The following PRR16 variants were observed in gnomAD, a reference collection of about 807,000 sequenced individuals.
PRR16 encodes the protein proline rich 16, also known as protein Largen.
A neutral mutation model predicts 18.2 loss-of-function variants in PRR16; 6 were observed. That is an observed-to-expected ratio of 0.33 (90% CI 0.18 to 0.65). PRR16 has a LOEUF of 0.65. PRR16 is among the 30% of genes least tolerant of loss of function. The pLI is 0.74. For missense variants in PRR16, 412 were observed against 376.6 expected, an observed-to-expected ratio of 1.09 and a Z score of -0.78; for synonymous variants, 151 against 147.8, an observed-to-expected ratio of 1.02 and a Z score of -0.16.
At chr5:120,581,659 G>A (rs1753277073) in intron 1 of PRR16, among the ~76,000 whole-genome samples, 2 of 152,068 alleles carry the variant, frequency 1.3e-5, no homozygotes, top group Admixed American at 1.3e-4. Flanking sequence ...GGCATTTAGT[G>A]CTATAAATTT....
At chr5:120,692,521 A>G in the PRR16 span, among the ~76,000 whole-genome samples, 9 of 152,142 alleles carry the variant, frequency 5.9e-5, no homozygotes, top group Non-Finnish European at 1.2e-4. Context: ...ACGCCCTTGC[A>G]TGTGTCATTG....
the PRR16 span, among the ~76,000 whole-genome samples, chr5:120,728,053 T>C: frequency 1.3e-5 from 2 of 152,036 alleles, no homozygotes; most frequent in South Asian, 4.1e-4. Flanking sequence ...TAATATCACA[T>C]GAAAAAATTA....
At chr5:120,601,673 T>C (rs1753986718) in intron 1 of PRR16, among the ~76,000 whole-genome samples, 1 of 152,122 alleles carries the variant, frequency 6.6e-6, no homozygotes, top group Non-Finnish European at 1.5e-5. Context: ...TCCTAGGTTT[T>C]CTTCTAGAAT....
chr5:120,733,495 A>G, the PRR16 span, among the ~76,000 whole-genome samples: 1 of 151,844 alleles, frequency 6.6e-6, no homozygotes, highest in Non-Finnish European at 1.5e-5. Flanking sequence ...TTGGTTTTTG[A>G]CCCCATTTCC....
chr5:120,515,844 T>C (rs533253105), intron 1 of PRR16, among the ~76,000 whole-genome samples: 3 of 152,328 alleles, frequency 2.0e-5, no homozygotes, highest in East Asian at 1.9e-4. Flanking sequence ...TTATGTATTA[T>C]GAGAATTTTA....
chr5:120,701,791 G>C, the PRR16 span, among the ~76,000 whole-genome samples: 1 of 152,110 alleles, frequency 6.6e-6, no homozygotes, highest in African/African-American at 2.4e-5. Flanking sequence ...ACAGAGACTA[G>C]GAAGGGACTG....
intron 1 of PRR16, among the ~76,000 whole-genome samples, chr5:120,573,390 C>G (rs1277334922): frequency 6.6e-6 from 1 of 152,046 alleles, no homozygotes; most frequent in African/African-American, 2.4e-5. Context: ...AACTTAAAAG[C>G]CTTTGGACTT....
At chr5:120,717,924 A>G in the PRR16 span, among the ~76,000 whole-genome samples, 4 of 152,308 alleles carry the variant, frequency 2.6e-5, no homozygotes, top group Admixed American at 1.3e-4. Context: ...TGAGCCTTGC[A>G]TTCAGTACTA....
downstream of PRR16, among the ~76,000 whole-genome samples, chr5:120,692,165 T>G (rs1035177902): frequency 1.3e-5 from 2 of 152,204 alleles, no homozygotes; most frequent in African/African-American, 2.4e-5. Flanking sequence ...CATCATCGTT[T>G]TCTGGAATTT....
chr5:120,790,152 C>T, the PRR16 span: 1 of 152,136 alleles, frequency 6.6e-6, no homozygotes, highest in African/African-American at 2.4e-5. Flanking sequence ...CTTCCTCTAT[C>T]TGACAGCCAT....
chr5:120,540,545 G>C (rs1044883107), intron 1 of PRR16, among the ~76,000 whole-genome samples: 1 of 152,080 alleles, frequency 6.6e-6, no homozygotes, highest in Non-Finnish European at 1.5e-5. Flanking sequence ...TTGAAAATAT[G>C]ATGTCCCTTC....
intron 1 of PRR16, among the ~76,000 whole-genome samples, chr5:120,581,012 G>A (rs1405189564): frequency 6.6e-6 from 1 of 152,128 alleles, no homozygotes; most frequent in Non-Finnish European, 1.5e-5. Flanking sequence ...CCCAGTTTTA[G>A]TATCAGGGTG....
At chr5:120,754,250 TAATATAAAAATATAAATATAAA>T in the PRR16 span, among the ~76,000 whole-genome samples, 1 of 106,078 alleles carries the variant, frequency 9.4e-6, no homozygotes, top group Non-Finnish European at 1.7e-5. Context: ...TTAGATATTA[TAATATAAAAATATAAATATAAA>T]ATAATATATA....
At chr5:120,535,225 G>A in intron 1 of PRR16, among the ~76,000 whole-genome samples, 1 of 151,992 alleles carries the variant, frequency 6.6e-6, no homozygotes, top group Non-Finnish European at 1.5e-5. Context: ...AGAGTAATAT[G>A]TTTTGTAAGA....
chr5:120,483,446 A>AACATACAT (rs34353882), intron 1 of PRR16, among the ~76,000 whole-genome samples: 25 of 151,018 alleles, frequency 1.7e-4, no homozygotes, highest in Admixed American at 8.6e-4. Context: ...AGATAGGTTC[A>AACATACAT]ACATACATAC....
At chr5:120,788,441 G>A in the PRR16 span, among the ~76,000 whole-genome samples, 7 of 151,902 alleles carry the variant, frequency 4.6e-5, no homozygotes, top group East Asian at 1.9e-4. Flanking sequence ...GTGGAAAGTC[G>A]GCTTTGTGTG....
At chr5:120,586,079 A>G (rs1260234703) in intron 1 of PRR16, among the ~76,000 whole-genome samples, 1 of 151,980 alleles carries the variant, frequency 6.6e-6, no homozygotes, top group Admixed American at 6.6e-5. Context: ...AGACTGAGAC[A>G]GGAGAATCAT....
chr5:120,749,405 ATTG>A, the PRR16 span, among the ~76,000 whole-genome samples: 2 of 152,110 alleles, frequency 1.3e-5, no homozygotes, highest in Non-Finnish European at 1.5e-5. Flanking sequence ...CATGGGCAAA[ATTG>A]TTGTTGCTAC....
intron 1 of PRR16, among the ~76,000 whole-genome samples, chr5:120,522,817 C>T (rs1486572615): frequency 6.6e-6 from 1 of 152,030 alleles, no homozygotes; most frequent in Non-Finnish European, 1.5e-5. Context: ...AGGGTTTCAC[C>T]GTGTTAGACA....
Sources: gnomAD v4.1 joint callset for allele counts (sites outside exome capture counted in the v4.1 genomes callset) on GRCh38, gnomAD v4.1.1 for gene constraint, MANE v1.5 for transcripts, NCBI Gene and HGNC (gene_info 2026-07-23, HGNC 2026-07-21) for gene names.